TACC2: variants seen among roughly 807,000 people sequenced by gnomAD.
The protein encoded by TACC2 is transforming acidic coiled-coil-containing protein 2.
In TACC2, 137 loss-of-function variants were observed where a neutral mutation model predicts 227.3. That is an observed-to-expected ratio of 0.60 (90% CI 0.52 to 0.69). The LOEUF is 0.69. TACC2 is among the 30% of genes least tolerant of loss of function. The pLI, the probability that TACC2 is intolerant of heterozygous loss-of-function variation, is 0.00. For synonymous variants in TACC2, 1,523 were observed against 1,487.5 expected (o/e 1.02, Z -0.55); for missense variants, 3,470 against 3,694.4 (o/e 0.94, Z 1.57).
chr10:122,128,757 A>G (rs1240485271), intron 5 of TACC2, among the ~76,000 whole-genome samples: 1 of 152,260 alleles, frequency 6.6e-6, no homozygotes, highest in Non-Finnish European at 1.5e-5. Context: ...ACTAGAAAGT[A>G]GATATAAATT....
rs56383359 is a variant in TACC2 at position 122,250,911 on chromosome 10, CTTTTTTTTTT to C, written c.8781+1264_8781+1273del. Among the ~76,000 whole-genome samples, 301 of 47,536 alleles carry C rather than the reference CTTTTTTTTTT, an allele frequency of 6.3e-3. 2 individuals carry two copies. Among genetic ancestry groups the C allele is most frequent in the Non-Finnish European group, 8.1e-3 (210 of 26,034 alleles). 31.2% of individuals were successfully genotyped at this position (47,536 alleles called of 152,430 possible). Reference sequence around the variant, plus strand: ...CATATTACAGATCATTATTTTCATTCTTTTTTTTTTTTTTTTTTTTTTTTTTGAGGCAGGG... The same window carrying C: ...CATATTACAGATCATTATTTTCATTCTTTTTTTTTTTTTTTTGAGGCAGGG... On this transcript the variant is annotated intron_variant, in intron 22 of 22. Coordinates refer to ENST00000369005, the MANE Select transcript of TACC2 (RefSeq NM_206862.4).
chr10:122,248,683 G>T lies in TACC2; in HGVS notation c.8433G>T (p.Val2811=). 6.2e-7 allele frequency: 1 copy of T among 1,613,918 alleles called. No homozygotes were observed. Among genetic ancestry groups the T allele is most frequent in the Non-Finnish European group, 8.5e-7 (1 of 1,180,040 alleles). ...QREKSVSHQT[V]QQLVLEKEQA... ...AGAAGTCAGTCTCCCACCAGACGGT[G>T]CAGCAGCTGGTTCTGGAGAAGGAGC... Residue 2811 remains valine (V), a synonymous_variant, in exon 20 of 23, where the codon GTG becomes GTT. Transcript: ENST00000369005.
chr10:122,062,067 C>G (rs993338014), intron 3 of TACC2, among the ~76,000 whole-genome samples: 1 of 114,824 alleles, frequency 8.7e-6, no homozygotes, highest in Non-Finnish European at 1.6e-5. Context: ...GAGTCTCGCT[C>G]TGTCACCCAG....
Position 122,086,638 on chromosome 10 carries a change from C to T in TACC2, c.4138C>T (p.Pro1380Ser). 2.5e-6 allele frequency: 4 copies of T among 1,603,036 alleles called. No individual in the cohort carries two copies. Among genetic ancestry groups the T allele is most frequent in the Non-Finnish European group, 3.4e-6 (4 of 1,174,410 alleles). ...GGGCAGCATGGAGAGGATGGGAGAG[C>T]CTTCCCAGGACCCAAAGCAGGGCAC... ...TEGSMERMGE[P>S]SQDPKQGTSG... is the part of the protein sequence containing the mutation. Residue 1380 changes from proline to serine, a missense_variant, in exon 4 of 23, where the codon CCT becomes TCT. Pro to Ser is a moderately conservative substitution (Grantham distance 74, BLOSUM62 -1). Transcript: ENST00000369005.
At chr10:122,199,094 G>A (rs12411444) in intron 8 of TACC2, among the ~76,000 whole-genome samples, 12,293 of 152,304 alleles carry the variant, frequency 0.081, 576 homozygotes, top group South Asian at 0.13. Context: ...GGAAAGGCCC[G>A]TGTTGGGGCC....
At chr10:122,207,834 C>T (rs984778764) in intron 8 of TACC2, among the ~76,000 whole-genome samples, 11 of 152,160 alleles carry the variant, frequency 7.2e-5, no homozygotes, top group African/African-American at 1.7e-4. Context: ...TGCAGAGGCA[C>T]GTGTAACGGC....
chr10:121,996,996 G>C (rs986720418), intron 1 of TACC2, among the ~76,000 whole-genome samples: 4 of 151,966 alleles, frequency 2.6e-5, no homozygotes, highest in Admixed American at 2.6e-4. Context: ...ACTGGAGAAG[G>C]AGAAAGAGAG....
At chr10:122,204,174 G>A (rs1441536103) in intron 8 of TACC2, among the ~76,000 whole-genome samples, 14 of 144,152 alleles carry the variant, frequency 9.7e-5, no homozygotes, top group Non-Finnish European at 1.6e-4. Flanking sequence ...GAGACCGTGG[G>A]GAGAGGGAGA....
chr10:122,215,706 C>G (rs975698103), intron 10 of TACC2, among the ~76,000 whole-genome samples: 1 of 152,148 alleles, frequency 6.6e-6, no homozygotes, highest in African/African-American at 2.4e-5. Context: ...ACCCACTCTG[C>G]TCCATTCAGG....
chr10:122,218,383 G>C (rs992815478), intron 11 of TACC2, among the ~76,000 whole-genome samples: 2 of 151,798 alleles, frequency 1.3e-5, no homozygotes, highest in Admixed American at 6.6e-5. Flanking sequence ...TGGAGTGGTG[G>C]TGTCATGAGG....
At chr10:122,159,369 C>T (rs1394641572) in intron 7 of TACC2, among the ~76,000 whole-genome samples, 1 of 152,228 alleles carries the variant, frequency 6.6e-6, no homozygotes, top group Non-Finnish European at 1.5e-5. Flanking sequence ...AAGCCCGGCA[C>T]CGCACCATTC....
chr10:122,170,973 G>T (rs1242151812), intron 7 of TACC2, among the ~76,000 whole-genome samples: 5 of 152,200 alleles, frequency 3.3e-5, no homozygotes, highest in Non-Finnish European at 7.3e-5. Flanking sequence ...CCAGGAGTCT[G>T]CTGCAAGCAC....
Position 122,209,529 on chromosome 10 carries a change from C to G in TACC2, c.5972-868C>G, listed in dbSNP as rs921689462. 8.5e-5 allele frequency among the ~76,000 whole-genome samples: 13 copies of G among 152,180 alleles called. No individual in the cohort carries two copies. Among genetic ancestry groups the G allele is most frequent in the African/African-American group, 3.1e-4 (13 of 41,438 alleles). On this transcript the variant is annotated intron_variant, in intron 8 of 22. Transcript: ENST00000369005. The surrounding 1 kb of genome is among the most constrained non-coding windows in gnomAD (Gnocchi z 4.5). ...TCCTTCTACCCAGGATGCTTCCTCC[C>G]CAGGAGTCCTCCTGTTTCATGCACT...
intron 3 of TACC2, among the ~76,000 whole-genome samples, chr10:122,073,126 A>AATATATAT (rs1167084872): frequency 4.5e-4 from 32 of 71,008 alleles, no homozygotes; most frequent in African/African-American, 5.6e-4. Flanking sequence ...AAAAAAAAAA[A>AATATATAT]ATATATATAT....
At chr10:122,040,514 A>G (rs1014275108) in intron 2 of TACC2, among the ~76,000 whole-genome samples, 1 of 152,140 alleles carries the variant, frequency 6.6e-6, no homozygotes, top group Admixed American at 6.5e-5. Flanking sequence ...TCTGAGCTCC[A>G]AGCTCCAAGC....
chr10:122,172,364 C>T (rs903474643), intron 7 of TACC2, among the ~76,000 whole-genome samples: 1 of 152,136 alleles, frequency 6.6e-6, no homozygotes, highest in Non-Finnish European at 1.5e-5. Context: ...GAGTTTGCTG[C>T]AGCAGTCCTG....
chr10:122,072,943 C>A (rs2078258968), intron 3 of TACC2, among the ~76,000 whole-genome samples: 1 of 151,378 alleles, frequency 6.6e-6, no homozygotes. Flanking sequence ...GAAACCCTGA[C>A]TCTACTAAAA....
intron 2 of TACC2, among the ~76,000 whole-genome samples, chr10:122,036,031 A>G (rs192964178): frequency 3.3e-5 from 5 of 152,232 alleles, no homozygotes; most frequent in African/African-American, 9.6e-5. Flanking sequence ...GTGGAATCAT[A>G]CAGTATTTGT....
intron 1 of TACC2, among the ~76,000 whole-genome samples, chr10:122,018,409 A>G (rs944581570): frequency 6.6e-6 from 1 of 152,212 alleles, no homozygotes. Context: ...TTCACCTTAT[A>G]TAAAATTAAA....
Sources: gnomAD v4.1 joint callset for allele counts (sites outside exome capture counted in the v4.1 genomes callset) on GRCh38, gnomAD v4.1.1 for gene constraint, Gnocchi (gnomAD v3.1) non-coding constraint, MANE v1.5 for transcripts, NCBI Gene and HGNC (gene_info 2026-07-23, HGNC 2026-07-21) for gene names.